The following FAT2 variants were observed in gnomAD, a reference collection of about 807,000 sequenced individuals.
FAT2 encodes the protein FAT atypical cadherin 2.
A neutral mutation model predicts 295.3 loss-of-function variants in FAT2; 150 were observed. That is an observed-to-expected ratio of 0.51 (90% confidence interval 0.44 to 0.58). The LOEUF is 0.58. Ranked by LOEUF, FAT2 falls within the 20% of genes least tolerant of loss-of-function variation. FAT2 has a pLI of 0.00. For synonymous variants in FAT2, 2,026 were observed against 2,150.3 expected, an observed-to-expected ratio of 0.94 and a Z score of 1.60; for missense variants, 4,868 against 5,442.7, an observed-to-expected ratio of 0.89 and a Z score of 3.32.
In FAT2 at chr5:151,507,163, C is replaced by T. The variant is rs1166828791; in HGVS notation, c.12508G>A (p.Glu4170Lys). The change falls in exon 23 of 24, where the codon GAG (glutamate) becomes AAG (lysine). Residue 4170 changes from glutamate (E) to lysine (K), a missense_variant. This residue lies in a region of FAT2 where 492 missense variants were observed against 482.6 expected (regional missense o/e 1.02). Transcript: ENST00000261800. Reference protein sequence around the residue: ...EPVIKRTWSSEEMVYPGGAMV... With the variant: ...EPVIKRTWSSKEMVYPGGAMV... The stretch of plus-strand genomic sequence containing the variant: ...CTCTGGCTATACTGACCCATCTCCT[C>T]GCTGGACCAGGTTCTCTTAATGACA... 4 of 1,582,682 alleles carry T rather than the reference C, an allele frequency of 2.5e-6. No individual in the cohort carries two copies. Among genetic ancestry groups the T allele is most frequent in the South Asian group, 1.2e-5 (1 of 84,378 alleles).
At chr5:151,533,481 C>A (rs959085069) in intron 13 of FAT2, among the ~76,000 whole-genome samples, 9 of 151,220 alleles carry the variant, frequency 6.0e-5, no homozygotes, top group African/African-American at 2.2e-4. Context: ...GACTGTTTGC[C>A]CTCCCTAGAA....
At chr5:151,574,017 A>T (rs918693126) in intron 1 of FAT2, among the ~76,000 whole-genome samples, 1 of 152,170 alleles carries the variant, frequency 6.6e-6, no homozygotes, top group Admixed American at 6.5e-5. Flanking sequence ...CTTCCAACTC[A>T]TACGGGCATG....
rs559233874 is a variant in FAT2 at position 151,574,057 on chromosome 5, C to CT, written c.-20-5107dup. Among the ~76,000 whole-genome samples the CT allele has an allele frequency of 5.0e-4, 76 of 152,218 alleles. No homozygotes were observed. The East Asian group carries it at 0.014, about 29-fold the overall frequency. On this transcript the variant is annotated intron_variant, in intron 1 of 23. Coordinates refer to ENST00000261800, the MANE Select transcript of FAT2 (RefSeq NM_001447.3). Reference sequence around the variant, plus strand: ...TTTGGCCTGTGCATGCCTATGGTCTCTATCAGACCCTAAACGAGCCCCCCA... The same window carrying CT: ...TTTGGCCTGTGCATGCCTATGGTCTCTTATCAGACCCTAAACGAGCCCCCCA...
rs746841123 is a variant in FAT2, at chr5:151,545,039, G to C, written c.6088C>G (p.Arg2030Gly). 6.2e-7 allele frequency: 1 copy of C among 1,614,068 alleles called. No individual in the cohort carries two copies. Among genetic ancestry groups the C allele is most frequent in the Non-Finnish European group, 8.5e-7 (1 of 1,180,004 alleles). The change falls in exon 10 of 24, where the codon CGG becomes GGG. Residue 2030 changes from arginine (R) to glycine (G), a missense_variant. Physicochemically the swap from Arg to Gly is moderately radical, Grantham distance 125. Coordinates refer to ENST00000261800, the MANE Select transcript of FAT2 (RefSeq NM_001447.3). ...VLQTRGVAFDREQQDTHELAV... is the reference protein window; with the variant it reads ...VLQTRGVAFDGEQQDTHELAV... ...AACTCATGAGTGTCCTGCTGCTCCC[G>C]GTCAAACGCCACACCTCTTGTCTGC...
intron 12 of FAT2, 81 bp downstream of exon 12, chr5:151,537,712 C>T (rs754217985): frequency 3.0e-5 from 42 of 1,396,160 alleles, no homozygotes; most frequent in Non-Finnish European, 3.9e-5. Context: ...TGTTTCTTCT[C>T]CAAGGAGAAT....
intron 12 of FAT2, among the ~76,000 whole-genome samples, chr5:151,535,765 C>T (rs1755206385): frequency 6.6e-6 from 1 of 151,974 alleles, no homozygotes; most frequent in South Asian, 2.1e-4. Context: ...TGGACAGAGC[C>T]CTAAACCCAT....
At chr5:151,592,816 C>T (rs533809942), upstream of FAT2, among the ~76,000 whole-genome samples, 18 of 152,156 alleles carry the variant, frequency 1.2e-4, no homozygotes, top group Non-Finnish European at 2.6e-4. Flanking sequence ...GAAGTTTAGC[C>T]TGGACCCTAT....
chr5:151,584,895 A>T (rs1232028734), intron 1 of FAT2, among the ~76,000 whole-genome samples: 1 of 152,158 alleles, frequency 6.6e-6, no homozygotes, highest in Non-Finnish European at 1.5e-5. Context: ...TAAAAAATAT[A>T]TATAGATTCC....
rs1166999518 is a variant in FAT2 at position 151,551,527 on chromosome 5, TCTC to T, written c.4233_4235del (p.Arg1413del). On this transcript the variant is annotated inframe_deletion, in exon 7 of 24. Coordinates refer to ENST00000261800, the MANE Select transcript of FAT2 (RefSeq NM_001447.3). ...CAACAGTCAAGTTATAGTTCGACCT[TCTC>T]CTGGTATCAAGAGGCCTGGCAATGA... The T allele has an allele frequency of 6.8e-6, 11 of 1,614,188 alleles. No individual in the cohort carries two copies. Among genetic ancestry groups the T allele is most frequent in the Non-Finnish European group, 7.6e-6 (9 of 1,180,024 alleles).
Position 151,544,464 on chromosome 5 carries a change from C to G in FAT2, c.6663G>C (p.Lys2221Asn). Residue 2221 changes from lysine to asparagine, a missense_variant, in exon 10 of 24, where the codon AAG becomes AAC. Lys to Asn is a moderately conservative substitution (Grantham distance 94). Coordinates refer to ENST00000261800, the MANE Select transcript of FAT2 (RefSeq NM_001447.3). ...GCCCTGTTACTGTTAGGACACCAGTCTTGAAGTCAGTGGTGAACAGCATCA... is the reference window on the plus strand; with the variant it reads ...GCCCTGTTACTGTTAGGACACCAGTGTTGAAGTCAGTGGTGAACAGCATCA... ...EPLMLFTTDF[K>N]TGVLTVTGPL... 3 of 1,614,146 alleles carry G rather than the reference C, an allele frequency of 1.9e-6. No individual in the cohort carries two copies. Among genetic ancestry groups the G allele is most frequent in the Non-Finnish European group, 2.5e-6 (3 of 1,180,028 alleles).
intron 9 of FAT2, among the ~76,000 whole-genome samples, chr5:151,546,867 C>T (rs1216758262): frequency 2.6e-5 from 4 of 152,168 alleles, no homozygotes; most frequent in East Asian, 1.9e-4. Flanking sequence ...TGTGAGCCAC[C>T]GTGCCTGGCT....
chr5:151,524,247 T>C (rs1450774325), intron 18 of FAT2, among the ~76,000 whole-genome samples: 1 of 152,230 alleles, frequency 6.6e-6, no homozygotes, highest in Non-Finnish European at 1.5e-5. Context: ...TTGGATGCCC[T>C]GGTTTGTCAA....
In FAT2 at chr5:151,534,584, A is replaced by C. The variant is rs1755027574; in HGVS notation, c.9252T>G (p.Val3084=). Residue 3084 remains valine, a synonymous_variant, in exon 13 of 24, where the codon GTT becomes GTG. Coordinates refer to ENST00000261800, the MANE Select transcript of FAT2 (RefSeq NM_001447.3). ...GGCCACCTCCATCCGTCGCCTTGGC[A>C]ACAAGGTTGAACACATCCTTCCTTT... ...DRERKDVFNL[V]AKATDGGGRS... The C allele has an allele frequency of 2.5e-6, 4 of 1,614,078 alleles. No homozygotes were observed. Among genetic ancestry groups the C allele is most frequent in the East Asian group, 2.2e-5 (1 of 44,874 alleles).
Position 151,563,404 on chromosome 5 carries a change from G to A in FAT2, c.3495C>T (p.Asp1165=). The A allele has an allele frequency of 6.2e-7, 1 of 1,614,226 alleles. No homozygotes were observed. Among genetic ancestry groups the A allele is most frequent in the Non-Finnish European group, 8.5e-7 (1 of 1,180,036 alleles). ...AGGTCAGCTTCCCTTTGGAGCTGGAGTCTGGGTCCCAGGCATCCAGTTGAA... is the reference window on the plus strand; with the variant it reads ...AGGTCAGCTTCCCTTTGGAGCTGGAATCTGGGTCCCAGGCATCCAGTTGAA... ...SVLQLDAWDP[D]SSSKGKLTFN... is the part of the protein sequence containing the mutation. The change falls in exon 3 of 24, where the codon GAC becomes GAT. Residue 1165 remains aspartate, a synonymous_variant. Transcript: ENST00000261800.
intron 3 of FAT2, among the ~76,000 whole-genome samples, chr5:151,559,319 G>A (rs1053622395): frequency 2.6e-5 from 4 of 152,134 alleles, no homozygotes; most frequent in African/African-American, 7.2e-5. Flanking sequence ...ACACTCAGGC[G>A]CCCTTCCAGT....
In FAT2 at chr5:151,571,936, G is replaced by T. The variant is rs151133249; in HGVS notation, c.-20-2985C>A. ...CTCCTGGGCCCATGCTACTTCTCCA[G>T]TTCACAAGCTGCAGCCACACAAAAC... is the stretch of plus-strand genomic sequence containing the variant. On this transcript the variant is annotated intron_variant, in intron 1 of 23. Coordinates refer to ENST00000261800, the MANE Select transcript of FAT2 (RefSeq NM_001447.3). Among the ~76,000 whole-genome samples, 264 of 152,292 alleles carry T rather than the reference G, an allele frequency of 1.7e-3. 7 individuals carry two copies. In the East Asian group the frequency reaches 0.042, roughly 24 times the overall value.
At chr5:151,556,473 A>G in intron 3 of FAT2, 71 bp from the exon 4 acceptor site, 1 of 957,832 alleles carries the variant, frequency 1.0e-6, no homozygotes, top group South Asian at 1.4e-5. Context: ...GGCAACTTCA[A>G]GAATTACATT....
Position 151,544,322 on chromosome 5 carries a change from G to C in FAT2, c.6805C>G (p.Pro2269Ala), listed in dbSNP as rs764158288. The change falls in exon 10 of 24, where the codon CCT becomes GCT. Residue 2269 changes from proline to alanine, a missense_variant. Pro to Ala is a conservative substitution (Grantham distance 27). This residue lies in a region of FAT2 where 3,297 missense variants were observed against 3,669.4 expected (regional missense o/e 0.90). Coordinates refer to ENST00000261800, the MANE Select transcript of FAT2 (RefSeq NM_001447.3). ...TAGACCAATTGGGAAAAAGTGGGAGGGTTATCATTGACATCCTCCACTAGG... is the reference window on the plus strand; with the variant it reads ...TAGACCAATTGGGAAAAAGTGGGAGCGTTATCATTGACATCCTCCACTAGG... Reference protein sequence around the residue: ...EVLVEDVNDNPPTFSQLVYTT... With the variant: ...EVLVEDVNDNAPTFSQLVYTT... 1.9e-6 allele frequency: 3 copies of C among 1,614,156 alleles called. No homozygotes were observed. In the East Asian group the frequency reaches 6.7e-5, roughly 36 times the overall value.
In FAT2 at chr5:151,566,078, G is replaced by T. The variant is rs1248199887; in HGVS notation, c.2854C>A (p.Pro952Thr). 1 of 1,614,132 alleles carries T rather than the reference G, an allele frequency of 6.2e-7. No homozygotes were observed. Among genetic ancestry groups the T allele is most frequent in the East Asian group, 2.2e-5 (1 of 44,866 alleles). ...TVLTFLDASD[P>T]DLGPAGEVRY... Reference sequence around the variant, plus strand: ...ACTTCACCTGCGGGGCCCAGGTCAGGATCAGAGGCATCCAGAAATGTCAAG... The same window carrying T: ...ACTTCACCTGCGGGGCCCAGGTCAGTATCAGAGGCATCCAGAAATGTCAAG... The change falls in exon 2 of 24, where the codon CCT becomes ACT. Residue 952 changes from proline to threonine, a missense_variant. Pro to Thr is a conservative substitution (Grantham distance 38, BLOSUM62 -1). Transcript: ENST00000261800.
Sources: gnomAD v4.1 joint callset for allele counts (sites outside exome capture counted in the v4.1 genomes callset) on GRCh38, gnomAD v4.1.1 for gene constraint, gnomAD v4.1.1 regional missense constraint, MANE v1.5 for transcripts, NCBI Gene and HGNC (gene_info 2026-07-23, HGNC 2026-07-21) for gene names.